Variants in KLHL28 observed in about 807,000 individuals in gnomAD.
KLHL28 encodes kelch like family member 28, also known as kelch-like protein 28.
Under a neutral mutation model 48.3 loss-of-function variants are expected in KLHL28, and 22 were observed. The ratio of observed to expected loss-of-function variants is 0.46; its 90% CI spans 0.33 to 0.65. The LOEUF (loss-of-function observed/expected upper bound fraction) is 0.65, where lower values mean the gene tolerates loss of function less well. Ranked by LOEUF, KLHL28 falls within the 30% of genes least tolerant of loss-of-function variation. The probability of loss-of-function intolerance (pLI) is 0.03; values close to 1 mark genes in which losing one functional copy is unlikely to be tolerated. For missense variants in KLHL28, 527 were observed against 704.3 expected, an observed-to-expected ratio of 0.75 and a Z score of 2.85; for synonymous variants, 243 against 242.4, an observed-to-expected ratio of 1.00 and a Z score of -0.02.
At chr14:44,960,883 C>T in intron 1 of KLHL28, 1 of 1,518,088 alleles carries the variant, frequency 6.6e-7, no homozygotes, top group Non-Finnish European at 8.9e-7. Flanking sequence ...AAGAGAAATC[C>T]CACCTGGTAC....
intron 4 of KLHL28, among the ~76,000 whole-genome samples, chr14:44,929,976 G>A (rs1403059635): frequency 2.0e-5 from 3 of 151,500 alleles, no homozygotes; most frequent in Non-Finnish European, 4.4e-5. Context: ...ATCATTTTAT[G>A]AGGTTTTCAA....
At chr14:44,942,915 A>G (rs1425865176) in intron 2 of KLHL28, among the ~76,000 whole-genome samples, 1 of 152,214 alleles carries the variant, frequency 6.6e-6, no homozygotes. Flanking sequence ...AAGGTCAATT[A>G]TCTAGCAGTG....
In KLHL28 at chr14:44,942,233, T is replaced by C. The variant is rs552478255; in HGVS notation, c.899+2797A>G. 1.1e-4 allele frequency among the ~76,000 whole-genome samples: 16 copies of C among 152,140 alleles called. No individual in the cohort carries two copies. The South Asian group carries it at 3.3e-3, about 32-fold the overall frequency. ...ATCAAAAGAACTCATTCATCTTGGA[T>C]TCCTCCCTCTTCCTCATCATCCCTC... On this transcript the variant is annotated intron_variant, in intron 2 of 4. Coordinates refer to ENST00000396128, the MANE Select transcript of KLHL28 (RefSeq NM_017658.5).
Position 44,950,164 on chromosome 14 carries a change from C to A in KLHL28, c.1-4236G>T, listed in dbSNP as rs145093890. Among the ~76,000 whole-genome samples the A allele has an allele frequency of 4.4e-3, 675 of 152,168 alleles. 5 individuals are homozygous for A. Among genetic ancestry groups the A allele is most frequent in the African/African-American group, 0.016 (651 of 41,518 alleles). On this transcript the variant is annotated intron_variant, in intron 1 of 4. Transcript: ENST00000396128. ...GTTTTGAGGATTAAACGAGTTTATA[C>A]ATAAAAAGGGCTCAGAATAGGGCCT...
chr14:44,930,918 C>T (rs914545338), intron 4 of KLHL28, among the ~76,000 whole-genome samples: 3 of 152,080 alleles, frequency 2.0e-5, no homozygotes, highest in African/African-American at 7.2e-5. Context: ...ATCAACTATA[C>T]CCCCTGGGGA....
chr14:44,955,146 T>G (rs1372645648), intron 1 of KLHL28, among the ~76,000 whole-genome samples: 3 of 151,932 alleles, frequency 2.0e-5, no homozygotes, highest in African/African-American at 7.2e-5. Context: ...ACTAAGATGT[T>G]AATTATGAAC....
intron 3 of KLHL28, among the ~76,000 whole-genome samples, chr14:44,933,716 G>T (rs985343622): frequency 2.0e-5 from 3 of 152,128 alleles, no homozygotes; most frequent in African/African-American, 7.2e-5. Flanking sequence ...TTAAGTTTAT[G>T]ATGTGCTATA....
chr14:44,952,306 C>T (rs1403297331), intron 1 of KLHL28, among the ~76,000 whole-genome samples: 1 of 152,050 alleles, frequency 6.6e-6, no homozygotes, highest in Non-Finnish European at 1.5e-5. Context: ...ACAGCATTAG[C>T]AACATTTGGG....
At chr14:44,947,852 C>T (rs535608476) in intron 1 of KLHL28, among the ~76,000 whole-genome samples, 11 of 152,210 alleles carry the variant, frequency 7.2e-5, no homozygotes, top group Non-Finnish European at 1.3e-4. Context: ...AATAATCTCA[C>T]ACCTATCTAC....
intron 1 of KLHL28, among the ~76,000 whole-genome samples, chr14:44,948,824 C>CT (rs1222101376): frequency 2.6e-5 from 4 of 152,088 alleles, no homozygotes; most frequent in Non-Finnish European, 5.9e-5. Flanking sequence ...ATTCTCAAAA[C>CT]TCAAGATCAA....
chr14:44,940,562 T>A (rs1440101533), intron 2 of KLHL28, among the ~76,000 whole-genome samples: 2 of 151,986 alleles, frequency 1.3e-5, no homozygotes, highest in Non-Finnish European at 2.9e-5. Context: ...ACCTACCCAA[T>A]CCCCACTTTC....
At position 44,945,422 on chromosome 14, in the gene KLHL28, CT is replaced by C; in HGVS notation, c.506del (p.Gln169ArgfsTer22). 6.2e-7 allele frequency: 1 copy of C among 1,614,154 alleles called. No homozygotes were observed. Among genetic ancestry groups the C allele is most frequent in the Non-Finnish European group, 8.5e-7 (1 of 1,180,022 alleles). On this transcript the variant is annotated frameshift_variant, in exon 2 of 5. Coordinates refer to ENST00000396128, the MANE Select transcript of KLHL28 (RefSeq NM_017658.5). LOFTEE classifies it high-confidence loss of function. The stretch of plus-strand genomic sequence containing the variant: ...GTGTAAGCTCAAAAAACTCTTCAGT[CT>C]GGCAAACAGCTTCAAAATTCTGGCA... ...YICQNFEAVC[Q>X]TEEFFELTHA...
At chr14:44,943,612 G>A (rs1481627726) in intron 2 of KLHL28, among the ~76,000 whole-genome samples, 3 of 151,782 alleles carry the variant, frequency 2.0e-5, no homozygotes, top group African/African-American at 7.3e-5. Flanking sequence ...AGCTGAGATT[G>A]CACCACTGCA....
At chr14:44,944,918 G>A in intron 2 of KLHL28, 112 bp downstream of exon 2, 1 of 798,750 alleles carries the variant, frequency 1.3e-6, no homozygotes, top group Admixed American at 2.7e-5. Flanking sequence ...CTAAAAAGAA[G>A]CAAAGAAAAG....
chr14:44,943,193 A>C (rs1884175313), intron 2 of KLHL28, among the ~76,000 whole-genome samples: 1 of 152,226 alleles, frequency 6.6e-6, no homozygotes, highest in Admixed American at 6.5e-5. Flanking sequence ...TTTTTACACT[A>C]TAAATACATA....
At chr14:44,937,948 A>T (rs1883896392) in intron 2 of KLHL28, among the ~76,000 whole-genome samples, 3 of 152,236 alleles carry the variant, frequency 2.0e-5, no homozygotes, top group African/African-American at 7.2e-5. Context: ...CTAGTCACCT[A>T]TTAAAGGCCC....
chr14:44,945,766 T>C lies in KLHL28; in HGVS notation c.163A>G (p.Ser55Gly), dbSNP rs766332119. Residue 55 changes from serine to glycine, a missense_variant, in exon 2 of 5, where the codon AGC becomes GGC. By Grantham distance (56) the Ser-to-Gly change is moderately conservative. Coordinates refer to ENST00000396128, the MANE Select transcript of KLHL28 (RefSeq NM_017658.5). The part of the protein sequence containing the change: ...KIHAHKVVLA[S>G]VSPYFKAMFT... ...ATAGCTTTGAAATACGGGCTGACGC[T>C]GGCAAGTACCACTTTGTGAGCATGA... The C allele has an allele frequency of 1.2e-6, 2 of 1,614,192 alleles. No individual in the cohort carries two copies. Among genetic ancestry groups the C allele is most frequent in the East Asian group, 2.2e-5 (1 of 44,882 alleles).
Position 44,945,187 on chromosome 14 carries a change from G to T in KLHL28, c.742C>A (p.Arg248Ser). 6.2e-7 allele frequency: 1 copy of T among 1,614,068 alleles called. No individual in the cohort carries two copies. Among genetic ancestry groups the T allele is most frequent in the Non-Finnish European group, 8.5e-7 (1 of 1,179,970 alleles). ...TCATTCAAAAGATGTTTACAAGTGC[G>T]ATCATCACGAATAAGATGATTTGCT... is the stretch of plus-strand genomic sequence containing the variant. ...YEANHLIRDD[R>S]TCKHLLNEAL... Residue 248 changes from arginine to serine, a missense_variant, in exon 2 of 5, where the codon CGC becomes AGC. Arg to Ser is a moderately radical substitution (Grantham distance 110). Coordinates refer to ENST00000396128, the MANE Select transcript of KLHL28 (RefSeq NM_017658.5).
At chr14:44,959,553 A>T (rs1212080227) in intron 1 of KLHL28, 1 of 152,120 alleles carries the variant, frequency 6.6e-6, no homozygotes, top group African/African-American at 2.4e-5. Context: ...AATCATAGTG[A>T]TTCGCCCAGG....
Sources: gnomAD v4.1 joint callset for allele counts (sites outside exome capture counted in the v4.1 genomes callset) on GRCh38, gnomAD v4.1.1 for gene constraint, MANE v1.5 for transcripts, NCBI Gene and HGNC (gene_info 2026-07-23, HGNC 2026-07-21) for gene names.